The following GON4L variants were observed in gnomAD, a reference collection of about 807,000 sequenced individuals.
GON4L encodes GON-4-like protein.
Under a neutral mutation model 211.8 loss-of-function variants are expected in GON4L, and 87 were observed. The observed-to-expected ratio is 0.41, with a 90% CI of 0.35 to 0.49. The LOEUF (loss-of-function observed/expected upper bound fraction) is 0.49. Ranked by LOEUF, GON4L falls within the 20% of genes least tolerant of loss-of-function variation. The pLI is 0.15. For missense variants in GON4L, 2,155 were observed against 2,659.5 expected (o/e 0.81, Z 4.17); for synonymous variants, 875 against 962.6 (o/e 0.91, Z 1.68).
In GON4L at chr1:155,777,642, G is replaced by A. The variant is rs749342218; in HGVS notation, c.2071C>T (p.Leu691Phe). ...CCTACCTGCTGCATCTGCTGCTGGA[G>A]TCTCTTCCTCTGTGCTGGGTCCAGA... ...LILDPAQRKR[L>F]QQQMQQHVQL... Residue 691 changes from leucine (L) to phenylalanine (F), a missense_variant, in exon 15 of 32, where the codon CTC (leucine) becomes TTC (phenylalanine). Coordinates refer to ENST00000368331, the MANE Select transcript of GON4L (RefSeq NM_001282860.2). The A allele has an allele frequency of 6.3e-5, 101 of 1,613,296 alleles. No individual in the cohort carries two copies. The highest frequency in any genetic ancestry group is 8.0e-5 in the Non-Finnish European group (94 of 1,179,422).
downstream of GON4L, chr1:155,746,660 G>A: frequency 4.3e-6 from 3 of 704,074 alleles, no homozygotes; most frequent in Non-Finnish European, 6.6e-6. Context: ...ACTCTACAGG[G>A]ACAAACAGTT....
intron 11 of GON4L, among the ~76,000 whole-genome samples, chr1:155,798,289 C>A (rs957258733): frequency 8.6e-5 from 13 of 150,334 alleles, no homozygotes; most frequent in Admixed American, 4.0e-4. Context: ...AAATCTTTTT[C>A]ATCTATTTGT....
rs1252187747 is a variant in GON4L at position 155,853,303 on chromosome 1, G to A, written c.478C>T (p.Pro160Ser). Residue 160 changes from proline to serine, a missense_variant, in exon 2 of 32, where the codon CCT becomes TCT. By Grantham distance (74) the Pro-to-Ser change is moderately conservative. Transcript: ENST00000368331. Reference protein sequence around the residue: ...LTLKEPFSGEPSEEVKEEGGK... With the variant: ...LTLKEPFSGESSEEVKEEGGK... ...CCTTCTTCCTTGACTTCTTCACTAG[G>A]CTCTCCTGAAAAAGGCTCCTTTAGG... is the stretch of plus-strand genomic sequence containing the variant. 2 of 1,613,650 alleles carry A rather than the reference G, an allele frequency of 1.2e-6. No individual in the cohort carries two copies.
In GON4L at chr1:155,808,447, C is replaced by T. The variant is rs557419750; in HGVS notation, c.1453-3306G>A. Among the ~76,000 whole-genome samples, 10 of 152,096 alleles carry T rather than the reference C, an allele frequency of 6.6e-5. No individual in the cohort carries two copies. In the South Asian group the frequency reaches 1.0e-3, roughly 16 times the overall value. The stretch of plus-strand genomic sequence containing the variant: ...TGACCTCATTTCTACCTCTTTTTCA[C>T]GATCCCACCCTTCATGTAGTTTCTG... On this transcript the variant is annotated intron_variant, in intron 10 of 31. Transcript: ENST00000368331.
Position 155,814,420 on chromosome 1 carries a change from A to G in GON4L, c.1191T>C (p.Thr397=). ...ESLLESDVES[T]ASSPRGAKKS... is the part of the protein sequence containing the mutation. ...TCTTTGCCCCACGTGGAGATGAAGC[A>G]GTGCTTTCAACATCACTTTCCAATA... is the stretch of plus-strand genomic sequence containing the variant. Residue 397 remains threonine, a synonymous_variant, in exon 9 of 32, where the codon ACT becomes ACC. Coordinates refer to ENST00000368331, the MANE Select transcript of GON4L (RefSeq NM_001282860.2). 1 of 1,613,632 alleles carries G rather than the reference A, an allele frequency of 6.2e-7. No individual in the cohort carries two copies. Among genetic ancestry groups the G allele is most frequent in the Non-Finnish European group, 8.5e-7 (1 of 1,179,550 alleles).
At position 155,777,527 on chromosome 1, in the gene GON4L, C is replaced by T. The variant is rs868413155; in HGVS notation, c.2091+95G>A. The stretch of plus-strand genomic sequence containing the variant: ...CCAGAAAGCAGAGGTTGAAGTGAGC[C>T]GATATCGGGCCACTGCACTCCAGGC... On this transcript the variant is annotated intron_variant, in intron 15 of 31. Transcript: ENST00000368331. The T allele has an allele frequency of 6.5e-5, 60 of 917,596 alleles. 2 individuals are homozygous for T. The Admixed American group carries it at 7.9e-4, about 12-fold the overall frequency. The allele number at this position is 917,596 out of a possible 1,614,324, so 56.8% of individuals were successfully genotyped here.
chr1:155,749,218 C>A, downstream of GON4L: 1 of 1,450,866 alleles, frequency 6.9e-7, no homozygotes, highest in Non-Finnish European at 9.4e-7. Flanking sequence ...CACCATTGCA[C>A]TCCAGTCTGG....
intron 3 of GON4L, among the ~76,000 whole-genome samples, chr1:155,824,762 C>CAAAAA (rs58791710): frequency 1.9e-5 from 1 of 52,076 alleles, no homozygotes; most frequent in African/African-American, 6.0e-5. Flanking sequence ...GACTCTGTCG[C>CAAAAA]AAAAAAAAAA....
chr1:155,784,857 T>C (rs1264433988), intron 13 of GON4L: 1 of 259,104 alleles, frequency 3.9e-6, no homozygotes, highest in Non-Finnish European at 7.6e-6. Flanking sequence ...CTCACACCTA[T>C]AATTCCAGCA....
chr1:155,761,780 CCACCA>C (rs1661834203), intron 23 of GON4L, among the ~76,000 whole-genome samples: 1 of 152,194 alleles, frequency 6.6e-6, no homozygotes, highest in Non-Finnish European at 1.5e-5. Context: ...TAGGTGTCAG[CCACCA>C]CGCCCAGCTG....
chr1:155,766,378 G>A lies in GON4L; in HGVS notation c.3095C>T (p.Pro1032Leu), dbSNP rs769598806. The change falls in exon 21 of 32, where the codon CCG becomes CTG. Residue 1032 changes from proline (P) to leucine (L), a missense_variant. By Grantham distance (98) the Pro-to-Leu change is moderately conservative (BLOSUM62 -3). Transcript: ENST00000368331. ...AGGAATCCGGAGCACCATTTTGCTC[G>A]GAGGGGCTTCTGAATGAGTTGATCG... ...PARSTHSEAP[P>L]SKMVLRIPHP... is the part of the protein sequence containing the mutation. The A allele has an allele frequency of 6.2e-6, 10 of 1,614,010 alleles. No homozygotes were observed. The highest frequency in any genetic ancestry group is 1.1e-5 in the South Asian group (1 of 91,082).
intron 2 of GON4L, among the ~76,000 whole-genome samples, chr1:155,839,362 G>T (rs1490528537): frequency 2.0e-5 from 3 of 152,064 alleles, no homozygotes; most frequent in Non-Finnish European, 4.4e-5. Flanking sequence ...AGGAAAAGTA[G>T]TATAGGCCAG....
chr1:155,787,486 A>C (rs1665078111), intron 12 of GON4L, among the ~76,000 whole-genome samples: 1 of 152,062 alleles, frequency 6.6e-6, no homozygotes, highest in Admixed American at 6.6e-5. Flanking sequence ...AAAAATTAAG[A>C]TCCAGGCCAC....
intron 2 of GON4L, chr1:155,845,376 G>T: frequency 3.8e-6 from 1 of 263,696 alleles, no homozygotes. Context: ...TGTATCATGA[G>T]GCTGGACCTG....
intron 10 of GON4L, among the ~76,000 whole-genome samples, chr1:155,812,969 C>G (rs145147627): frequency 6.6e-6 from 1 of 152,268 alleles, no homozygotes; most frequent in African/African-American, 2.4e-5. Flanking sequence ...ATGCCTGCAT[C>G]ACACTCTAAA....
downstream of GON4L, chr1:155,748,927 G>C (rs1660358149): frequency 3.4e-6 from 3 of 872,688 alleles, no homozygotes; most frequent in African/African-American, 5.1e-5. Context: ...TGAATATCTT[G>C]ATCCAGCTGA....
At chr1:155,748,451 G>C (rs1020002306), downstream of GON4L, 4 of 1,610,784 alleles carry the variant, frequency 2.5e-6, no homozygotes, top group African/African-American at 5.3e-5. Flanking sequence ...CCTGGACACA[G>C]TCACTGTTCC....
rs755363305 is a variant in GON4L, at chr1:155,853,461, G to C, written c.320C>G (p.Ser107Cys). The change falls in exon 2 of 32, where the codon TCC becomes TGC. Residue 107 changes from serine (S) to cysteine (C), a missense_variant. Ser to Cys is a moderately radical substitution (Grantham distance 112). Around this residue, in one of 6 missense-constraint regions of GON4L, gnomAD observed 313 missense variants for 293.2 expected, o/e 1.07. Coordinates refer to ENST00000368331, the MANE Select transcript of GON4L (RefSeq NM_001282860.2). The stretch of plus-strand genomic sequence containing the variant: ...ATTAAGGGGGTGAAAAGACTCCAAG[G>C]AAGGTAGGGTGATTCCCTGAGAGAT... ...VAISQGITLP[S>C]LESFHPLNIH... 6 of 1,613,966 alleles carry C rather than the reference G, an allele frequency of 3.7e-6. No homozygotes were observed. In the African/African-American group the frequency reaches 8.0e-5, roughly 22 times the overall value.
At chr1:155,807,438 T>A (rs533607192) in intron 10 of GON4L, among the ~76,000 whole-genome samples, 8 of 152,140 alleles carry the variant, frequency 5.3e-5, no homozygotes, top group Admixed American at 5.2e-4. Context: ...CTGGGTGCAG[T>A]GGCTCACACC....
Sources: allele counts gnomAD v4.1 joint callset (sites outside exome capture counted in the v4.1 genomes callset), GRCh38; gene constraint gnomAD v4.1.1; regional missense constraint gnomAD v4.1.1; transcripts MANE v1.5; gene names NCBI Gene and HGNC (gene_info 2026-07-23, HGNC 2026-07-21).